The following AMDHD1 variants were observed in gnomAD, a reference collection of about 807,000 sequenced individuals.
AMDHD1 encodes the protein probable imidazolonepropionase.
A neutral mutation model predicts 44.1 loss-of-function variants in AMDHD1; 45 were observed. The ratio of observed to expected loss-of-function variants is 1.02; its 90% CI spans 0.80 to 1.31. AMDHD1 has a LOEUF of 1.31. Among genes scored for constraint, AMDHD1 ranks in the 50% most tolerant of loss-of-function variants. The pLI is 0.00. For synonymous variants in AMDHD1, 206 were observed against 205.0 expected (o/e 1.00, Z -0.04); for missense variants, 586 against 552.1 (o/e 1.06, Z -0.61).
intron 6 of AMDHD1, among the ~76,000 whole-genome samples, chr12:95,962,846 T>C (rs1237814800): frequency 6.6e-6 from 1 of 152,236 alleles, no homozygotes; most frequent in Non-Finnish European, 1.5e-5. Context: ...CATAAGATGT[T>C]AAAGATATTT....
chr12:95,958,719 C>T (rs564235777), intron 4 of AMDHD1, among the ~76,000 whole-genome samples: 1 of 152,246 alleles, frequency 6.6e-6, no homozygotes, highest in East Asian at 1.9e-4. Context: ...TGAAACAGAG[C>T]TAAATGCCAC....
rs755758291 is a variant in AMDHD1 at position 95,956,801 on chromosome 12, C to G, written c.426C>G (p.Leu142=). 9.9e-6 allele frequency: 16 copies of G among 1,614,096 alleles called. No homozygotes were observed. The highest frequency in any genetic ancestry group is 1.7e-5 in the Admixed American group (1 of 60,008). The part of the protein sequence containing the change: ...EELFRSLQQR[L]QCMMRAGTTL... ...TGTTCCGCTCCTTGCAGCAACGGCT[C>G]CAGTGCATGATGAGGGCTGGCACCA... The change falls in exon 4 of 9, where the codon CTC becomes CTG. Residue 142 remains leucine (L), a synonymous_variant. Coordinates refer to ENST00000266736, the MANE Select transcript of AMDHD1 (RefSeq NM_152435.3).
At chr12:95,946,529 G>A (rs577742137) in intron 1 of AMDHD1, among the ~76,000 whole-genome samples, 10 of 150,904 alleles carry the variant, frequency 6.6e-5, no homozygotes, top group South Asian at 2.1e-4. Flanking sequence ...AATATGGTAA[G>A]CACAAAGGTA....
intron 1 of AMDHD1, among the ~76,000 whole-genome samples, chr12:95,951,378 A>G (rs1449737552): frequency 6.6e-6 from 1 of 152,166 alleles, no homozygotes; most frequent in African/African-American, 2.4e-5. Flanking sequence ...ACTTAACATA[A>G]TGTCCTCCAG....
In AMDHD1 at chr12:95,956,838, T is replaced by A; in HGVS notation, c.463T>A (p.Cys155Ser). The change falls in exon 4 of 9, where the codon TGC (cysteine) becomes AGC (serine). Residue 155 changes from cysteine to serine, a missense_variant. Cys to Ser is a moderately radical substitution (Grantham distance 112). Coordinates refer to ENST00000266736, the MANE Select transcript of AMDHD1 (RefSeq NM_152435.3). ...GAGGGCTGGCACCACGCTGGTGGAG[T>A]GCAAGAGTGGATATGGCCTCGACCT... ...MMRAGTTLVE[C>S]KSGYGLDLET... 1 of 1,614,018 alleles carries A rather than the reference T, an allele frequency of 6.2e-7. No homozygotes were observed. Among genetic ancestry groups the A allele is most frequent in the Non-Finnish European group, 8.5e-7 (1 of 1,179,950 alleles).
At chr12:95,950,778 T>G (rs1233772752) in intron 1 of AMDHD1, among the ~76,000 whole-genome samples, 1 of 152,144 alleles carries the variant, frequency 6.6e-6, no homozygotes, top group East Asian at 1.9e-4. Context: ...GGCTAGACCT[T>G]AGTCTCATAG....
At chr12:95,963,135 A>C (rs930071204) in intron 6 of AMDHD1, among the ~76,000 whole-genome samples, 1 of 152,174 alleles carries the variant, frequency 6.6e-6, no homozygotes. Flanking sequence ...GTGGTCTGGG[A>C]GGCCAGCAGT....
chr12:95,949,308 A>T (rs2136760066), intron 1 of AMDHD1, among the ~76,000 whole-genome samples: 1 of 152,306 alleles, frequency 6.6e-6, no homozygotes, highest in East Asian at 1.9e-4. Context: ...CTAAATTTTC[A>T]CAAAGCACCC....
intron 6 of AMDHD1, among the ~76,000 whole-genome samples, chr12:95,964,528 G>A (rs374880469): frequency 1.3e-5 from 2 of 152,028 alleles, no homozygotes; most frequent in South Asian, 2.1e-4. Context: ...GGGGGGGAGG[G>A]CCATTCAAAT....
chr12:95,962,646 C>T (rs975921172), intron 6 of AMDHD1, among the ~76,000 whole-genome samples, 167 bp downstream of exon 6: 11 of 152,196 alleles, frequency 7.2e-5, no homozygotes, highest in Non-Finnish European at 1.5e-5. Flanking sequence ...TGTTCGTAAA[C>T]GAATTTCTCT....
chr12:95,956,568 G>A (rs1473782867), intron 3 of AMDHD1, 117 bp from the exon 4 acceptor site: 2 of 1,382,310 alleles, frequency 1.4e-6, no homozygotes, highest in African/African-American at 2.9e-5. Context: ...TGATGGGTTG[G>A]TGCCCATGCC....
Position 95,967,737 on chromosome 12 carries a change from T to TG in AMDHD1, c.1194-19_1194-18insG, listed in dbSNP as rs62951561. ...GCACACATTGAAGTAATATTTGTTGTTTTTTTTTTTTTTTCTAGATGGGAG... is the reference window on the plus strand; with the variant it reads ...GCACACATTGAAGTAATATTTGTTGTGTTTTTTTTTTTTTTCTAGATGGGAG... On this transcript the variant is annotated intron_variant, in intron 8 of 8. Coordinates refer to ENST00000266736, the MANE Select transcript of AMDHD1 (RefSeq NM_152435.3). The TG allele has an allele frequency of 4.9e-6, 3 of 611,382 alleles. No individual in the cohort carries two copies. Among genetic ancestry groups the TG allele is most frequent in the South Asian group, 2.7e-5 (1 of 36,488 alleles). 37.9% of individuals were successfully genotyped at this position (611,382 alleles called of 1,614,324 possible). A position where few individuals can be genotyped will look rare whatever the true frequency, so the allele number is the denominator to read the frequency against.
At position 95,967,876 on chromosome 12, in the gene AMDHD1, T is replaced by C. The variant is rs1189292087; in HGVS notation, c.*33T>C. On this transcript the variant is annotated 3_prime_UTR_variant, in exon 9 of 9. Transcript: ENST00000266736. ...GAAAAGAGAAGACTTTTTGACTATA[T>C]GAAATAAGTCAATATAGTTATATTA... 2.9e-6 allele frequency: 4 copies of C among 1,377,688 alleles called. No individual in the cohort carries two copies. The highest frequency in any genetic ancestry group is 2.4e-5 in the East Asian group (1 of 41,668). The allele number at this position is 1,377,688 out of a possible 1,614,324, so 85.3% of individuals were successfully genotyped here. A position where few individuals can be genotyped will look rare whatever the true frequency, so the allele number is the denominator to read the frequency against.
At chr12:95,956,547 C>T in intron 3 of AMDHD1, 138 bp from the exon 4 acceptor site, 1 of 1,192,914 alleles carries the variant, frequency 8.4e-7, no homozygotes, top group Non-Finnish European at 1.2e-6. Flanking sequence ...TATCCCAGCA[C>T]CTTTCTAATC....
intron 1 of AMDHD1, among the ~76,000 whole-genome samples, chr12:95,948,538 T>TG (rs1386260432): frequency 0.01 from 303 of 29,664 alleles, 65 homozygotes; most frequent in South Asian, 0.018. Context: ...GGGAGGGAGG[T>TG]GGGGGGGGGG....
chr12:95,956,244 G>A (rs945165332), intron 3 of AMDHD1, among the ~76,000 whole-genome samples: 8 of 152,130 alleles, frequency 5.3e-5, no homozygotes, highest in African/African-American at 1.4e-4. Context: ...GAGTAGCTGG[G>A]GCTACAGGCG....
At chr12:95,951,539 T>C (rs2080525819) in intron 1 of AMDHD1, among the ~76,000 whole-genome samples, 1 of 152,256 alleles carries the variant, frequency 6.6e-6, no homozygotes, top group African/African-American at 2.4e-5. Flanking sequence ...TGAATAGTGC[T>C]GCAATTAACA....
At chr12:95,955,283 T>C (rs1383233746) in intron 3 of AMDHD1, among the ~76,000 whole-genome samples, 3 of 152,180 alleles carry the variant, frequency 2.0e-5, no homozygotes, top group Non-Finnish European at 4.4e-5. Flanking sequence ...AAAATTGCCA[T>C]TCATTGGAGT....
intron 6 of AMDHD1, among the ~76,000 whole-genome samples, chr12:95,964,523 G>T (rs916364218): frequency 6.6e-6 from 1 of 152,034 alleles, no homozygotes; most frequent in East Asian, 1.9e-4. Flanking sequence ...TGGAAGGGGG[G>T]GAGGGCCATT....
Sources: allele counts gnomAD v4.1 joint callset (sites outside exome capture counted in the v4.1 genomes callset), GRCh38; gene constraint gnomAD v4.1.1; transcripts MANE v1.5; gene names NCBI Gene and HGNC (gene_info 2026-07-23, HGNC 2026-07-21).